The following PRR3 variants were observed in gnomAD, a reference collection of about 807,000 sequenced individuals.
The protein encoded by PRR3 is proline-rich protein 3.
In PRR3, 16 loss-of-function variants were observed where a neutral mutation model predicts 22.4. The ratio of observed to expected loss-of-function variants is 0.71; its 90% CI spans 0.48 to 1.09. The LOEUF (loss-of-function observed/expected upper bound fraction) is 1.09, where lower values mean the gene tolerates loss of function less well. PRR3 is among the 50% of genes least tolerant of loss of function. The probability of loss-of-function intolerance (pLI) is 0.00; values close to 1 mark genes in which losing one functional copy is unlikely to be tolerated. For missense variants in PRR3, 224 were observed against 243.4 expected (o/e 0.92, Z 0.53); for synonymous variants, 87 against 88.6 (o/e 0.98, Z 0.10).
At position 30,561,196 on chromosome 6, in the gene PRR3, A is replaced by T. The variant is rs1275916389; in HGVS notation, c.170-638A>T. The T allele has an allele frequency of 6.1e-6, 2 of 325,238 alleles. No homozygotes were observed. Among genetic ancestry groups the T allele is most frequent in the African/African-American group, 4.5e-5 (2 of 44,660 alleles). 20.1% of individuals were successfully genotyped at this position (325,238 alleles called of 1,614,324 possible). A position where few individuals can be genotyped will look rare whatever the true frequency, so the allele number is the denominator to read the frequency against. ...CACTGTGAAAAAAAAGTTTGGCATT[A>T]TGTATGAAACTTGAGCATAACATAT... On this transcript the variant is annotated intron_variant, in intron 2 of 3. Coordinates refer to ENST00000376560, the MANE Select transcript of PRR3 (RefSeq NM_025263.4). This position sits in a 1 kb window ranked among gnomAD's most constrained non-coding sequence, Gnocchi z 4.0.
chr6:30,562,568 T>A lies in PRR3; in HGVS notation c.*73T>A. On this transcript the variant is annotated 3_prime_UTR_variant, in exon 4 of 4. Transcript: ENST00000376560. ...GGCCATTTATTTCTCTGTAGCCCTA[T>A]GATGGCTACTGTGAGGCTCTTCTAA... 5.4e-6 allele frequency: 5 copies of A among 921,244 alleles called. No individual in the cohort carries two copies. Among genetic ancestry groups the A allele is most frequent in the Non-Finnish European group, 7.1e-6 (4 of 565,210 alleles). 57.1% of individuals were successfully genotyped at this position (921,244 alleles called of 1,614,324 possible). A position where few individuals can be genotyped will look rare whatever the true frequency, so the allele number is the denominator to read the frequency against.
chr6:30,561,170 C>T lies in PRR3; in HGVS notation c.170-664C>T, dbSNP rs996792144. On this transcript the variant is annotated intron_variant, in intron 2 of 3. Coordinates refer to ENST00000376560, the MANE Select transcript of PRR3 (RefSeq NM_025263.4). This position sits in a 1 kb window ranked among gnomAD's most constrained non-coding sequence, Gnocchi z 4.0. Reference sequence around the variant, plus strand: ...CTGGTGAGAGTGCAAATTGGTATAACCACTGTGAAAAAAAAGTTTGGCATT... The same window carrying T: ...CTGGTGAGAGTGCAAATTGGTATAATCACTGTGAAAAAAAAGTTTGGCATT... 3.1e-6 allele frequency: 1 copy of T among 322,810 alleles called. No homozygotes were observed. The highest frequency in any genetic ancestry group is 6.0e-6 in the Non-Finnish European group (1 of 166,284). The allele number at this position is 322,810 out of a possible 1,614,324, so 20.0% of individuals were successfully genotyped here. A position where few individuals can be genotyped will look rare whatever the true frequency, so the allele number is the denominator to read the frequency against.
At chr6:30,557,713 C>T (rs552019104) in intron 1 of PRR3, among the ~76,000 whole-genome samples, 1 of 152,282 alleles carries the variant, frequency 6.6e-6, no homozygotes, top group African/African-American at 2.4e-5. Context: ...AGCCGCAGAA[C>T]AGTAGGGGAA....
rs2074504 is a variant in PRR3 at position 30,562,468 on chromosome 6, T to C, written c.540T>C (p.His180=). The C allele has an allele frequency of 0.71, 1,136,553 of 1,611,576 alleles. 403,641 individuals carry two copies. The highest frequency in any genetic ancestry group is 0.84 in the African/African-American group (63,357 of 74,998). The change falls in exon 4 of 4, where the codon CAT becomes CAC. Residue 180 remains histidine, a synonymous_variant. Transcript: ENST00000376560. ...CRYEDLCAFY[H]PGVNGPPL is the part of the protein sequence containing the mutation. ...ATGAGGACCTCTGTGCCTTCTACCA[T>C]CCAGGCGTCAATGGACCTCCTCTGT...
chr6:30,560,596 A>C (rs2516642), intron 2 of PRR3: 4 of 151,790 alleles, frequency 2.6e-5, no homozygotes, highest in Non-Finnish European at 2.9e-5. Context: ...CAGCCTGGCC[A>C]ATATGGTAAA....
rs2074503 is a variant in PRR3 at position 30,562,719 on chromosome 6, T to C, written c.*224T>C. The C allele has an allele frequency of 0.71, 295,430 of 417,860 alleles. 105,665 individuals are homozygous for C. Among genetic ancestry groups the C allele is most frequent in the African/African-American group, 0.84 (41,155 of 48,990 alleles). The allele number at this position is 417,860 out of a possible 1,614,324, so 25.9% of individuals were successfully genotyped here. ...GATCCAGCCTGTAGAGACTCGCCTT[T>C]GGGACCCATCTTTGCTTCCTTTCAG... On this transcript the variant is annotated 3_prime_UTR_variant, in exon 4 of 4. Coordinates refer to ENST00000376560, the MANE Select transcript of PRR3 (RefSeq NM_025263.4).
Position 30,561,521 on chromosome 6 carries a change from T to G in PRR3, c.170-313T>G. 1 of 584,076 alleles carries G rather than the reference T, an allele frequency of 1.7e-6. No individual in the cohort carries two copies. The highest frequency in any genetic ancestry group is 3.1e-6 in the Non-Finnish European group (1 of 319,136). The allele number at this position is 584,076 out of a possible 1,614,324, so 36.2% of individuals were successfully genotyped here. A position where few individuals can be genotyped will look rare whatever the true frequency, so the allele number is the denominator to read the frequency against. On this transcript the variant is annotated intron_variant, in intron 2 of 3. Coordinates refer to ENST00000376560, the MANE Select transcript of PRR3 (RefSeq NM_025263.4). The surrounding 1 kb of genome is among the most constrained non-coding windows in gnomAD (Gnocchi z 4.0). ...AAGAATGCAGACTGTATGATTCCAT[T>G]TTTGTGAAGTTCAAAAACAGGCAAA...
At position 30,562,069 on chromosome 6, in the gene PRR3, C is replaced by A; in HGVS notation, c.405C>A (p.Ser135Arg). 6.2e-7 allele frequency: 1 copy of A among 1,611,432 alleles called. No individual in the cohort carries two copies. The highest frequency in any genetic ancestry group is 8.5e-7 in the Non-Finnish European group (1 of 1,179,282). The change falls in exon 3 of 4, where the codon AGC (serine) becomes AGA (arginine). Residue 135 changes from serine (S) to arginine (R), a missense_variant. Ser to Arg is a moderately radical substitution (Grantham distance 110, BLOSUM62 -1). Coordinates refer to ENST00000376560, the MANE Select transcript of PRR3 (RefSeq NM_025263.4). ...KEQRNPRRLK[S>R]WSLIKNTCPP... ...AGAGAAACCCTCGAAGGCTCAAAAG[C>A]TGGTCTCTTATCAAGAATACCTGCC...
upstream of PRR3, chr6:30,556,864 T>C (rs984168753): frequency 1.7e-6 from 1 of 587,340 alleles, no homozygotes; most frequent in Admixed American, 3.0e-5. The surrounding 1 kb of genome is among the most constrained non-coding windows in gnomAD (Gnocchi z 5.7). Context: ...AGATCATAAG[T>C]GCAAAAGCGG....
intron 2 of PRR3, among the ~76,000 whole-genome samples, chr6:30,559,083 A>T (rs1445356678): frequency 6.6e-6 from 1 of 152,236 alleles, no homozygotes; most frequent in Non-Finnish European, 1.5e-5. Context: ...TCCGTTAGAA[A>T]ATATAAATTT....
intron 3 of PRR3, 90 bp downstream of exon 3, chr6:30,562,214 T>C (rs1320733234): frequency 8.4e-6 from 12 of 1,422,260 alleles, no homozygotes; most frequent in Non-Finnish European, 1.1e-5. Flanking sequence ...TCCTTTTTGC[T>C]TTTGAAGCAG....
chr6:30,562,199 G>C, intron 3 of PRR3, 75 bp downstream of exon 3: 1 of 1,466,254 alleles, frequency 6.8e-7, no homozygotes, highest in Non-Finnish European at 9.2e-7. Flanking sequence ...ATCTTCTCTG[G>C]GCTTTCCTTT....
At position 30,561,188 on chromosome 6, in the gene PRR3, T is replaced by C. The variant is rs1437813662; in HGVS notation, c.170-646T>C. ...GGTATAACCACTGTGAAAAAAAAGTTTGGCATTATGTATGAAACTTGAGCA... is the reference window on the plus strand; with the variant it reads ...GGTATAACCACTGTGAAAAAAAAGTCTGGCATTATGTATGAAACTTGAGCA... On this transcript the variant is annotated intron_variant, in intron 2 of 3. Transcript: ENST00000376560. This position sits in a 1 kb window ranked among gnomAD's most constrained non-coding sequence, Gnocchi z 4.0. The C allele has an allele frequency of 3.1e-6, 1 of 321,624 alleles. No homozygotes were observed. The highest frequency in any genetic ancestry group is 4.5e-5 in the Admixed American group (1 of 22,268). The allele number at this position is 321,624 out of a possible 1,614,324, so 19.9% of individuals were successfully genotyped here.
intron 1 of PRR3, among the ~76,000 whole-genome samples, 196 bp from the exon 2 acceptor site, chr6:30,557,954 C>A (rs1326489902): frequency 6.6e-6 from 1 of 152,238 alleles, no homozygotes; most frequent in Non-Finnish European, 1.5e-5. Context: ...GATTGAATAT[C>A]TACTTTTTGC....
At chr6:30,556,905 C>T (rs567561805), upstream of PRR3, 9 of 605,888 alleles carry the variant, frequency 1.5e-5, no homozygotes, top group African/African-American at 1.3e-4. The surrounding 1 kb of genome is among the most constrained non-coding windows in gnomAD (Gnocchi z 5.7). Flanking sequence ...GGGACAAGGA[C>T]TTTTGGGGGG....
In PRR3 at chr6:30,558,354, T is replaced by C. The variant is rs1331646710; in HGVS notation, c.169+142T>C. 6 of 673,240 alleles carry C rather than the reference T, an allele frequency of 8.9e-6. No individual in the cohort carries two copies. In the Admixed American group the frequency reaches 1.1e-4, roughly 12 times the overall value. The allele number at this position is 673,240 out of a possible 1,614,324, so 41.7% of individuals were successfully genotyped here. On this transcript the variant is annotated intron_variant, in intron 2 of 3. Transcript: ENST00000376560. ...TGGAGAGAAGTTGTATATTTGCTGA[T>C]TTAAAAACTCAATGTTGTAAAAATG...
intron 3 of PRR3, 50 bp from the exon 4 acceptor site, chr6:30,562,339 T>C: frequency 1.4e-6 from 2 of 1,422,300 alleles, no homozygotes; most frequent in Non-Finnish European, 2.0e-6. Flanking sequence ...ATTGTATTTG[T>C]TTTCTTTGTT....
At chr6:30,557,489 C>A (rs1800330181) in intron 1 of PRR3, 39 bp downstream of exon 1, 1 of 1,459,348 alleles carries the variant, frequency 6.9e-7, no homozygotes, top group Non-Finnish European at 9.5e-7. Context: ...GCCTGTCAAG[C>A]CCGTCCGGGC....
upstream of PRR3, chr6:30,557,026 C>T (rs974125080): frequency 1.6e-5 from 11 of 694,566 alleles, no homozygotes; most frequent in South Asian, 1.5e-4. Context: ...GGCCCGAGAG[C>T]CTGTTGACTC....
Sources: gnomAD v4.1 joint callset for allele counts (sites outside exome capture counted in the v4.1 genomes callset) on GRCh38, gnomAD v4.1.1 for gene constraint, Gnocchi (gnomAD v3.1) non-coding constraint, MANE v1.5 for transcripts, NCBI Gene and HGNC (gene_info 2026-07-23, HGNC 2026-07-21) for gene names.